PARPBP: variants seen among roughly 807,000 people sequenced by gnomAD.
PARPBP encodes PARP1 binding protein.
PARPBP carries 52 observed loss-of-function variants against 50.0 expected under a neutral mutation model. The observed-to-expected ratio is 1.04, with a 90% CI of 0.83 to 1.31. The LOEUF is 1.31. PARPBP is among the 50% of genes most tolerant of loss of function. The pLI is 0.00. For missense variants in PARPBP, 697 were observed against 672.0 expected, an observed-to-expected ratio of 1.04 and a Z score of -0.41; for synonymous variants, 244 against 232.1, an observed-to-expected ratio of 1.05 and a Z score of -0.47.
chr12:102,148,599 G>C (rs1199961261), intron 3 of PARPBP, 136 bp downstream of exon 3: 1 of 484,732 alleles, frequency 2.1e-6, no homozygotes, highest in East Asian at 3.3e-5. Flanking sequence ...GGAAAATTTA[G>C]CTACCTGAAA....
intron 8 of PARPBP, among the ~76,000 whole-genome samples, chr12:102,181,248 C>T (rs1889800488): frequency 6.6e-6 from 1 of 152,106 alleles, no homozygotes; most frequent in African/African-American, 2.4e-5. Context: ...AGTAGAAGCT[C>T]ATGAAACATT....
At chr12:102,130,150 C>A (rs1281153978) in intron 2 of PARPBP, among the ~76,000 whole-genome samples, 1 of 152,146 alleles carries the variant, frequency 6.6e-6, no homozygotes, top group African/African-American at 2.4e-5. Flanking sequence ...GGAAAGGATT[C>A]CCTATTCAAT....
chr12:102,189,994 G>A (rs1167773749), intron 9 of PARPBP, among the ~76,000 whole-genome samples: 1 of 152,114 alleles, frequency 6.6e-6, no homozygotes, highest in Admixed American at 6.6e-5. Context: ...CTATTGAACA[G>A]AGTAGAGTTT....
At chr12:102,131,566 G>A (rs887138583) in intron 2 of PARPBP, among the ~76,000 whole-genome samples, 3 of 152,138 alleles carry the variant, frequency 2.0e-5, no homozygotes, top group African/African-American at 7.2e-5. Context: ...GCTATTGACA[G>A]AAGCAAAGAT....
At chr12:102,171,855 C>T (rs1354294737) in intron 6 of PARPBP, among the ~76,000 whole-genome samples, 5 of 148,732 alleles carry the variant, frequency 3.4e-5, no homozygotes, top group Admixed American at 6.7e-5. Context: ...GGCAACAGAA[C>T]GAGACTCCGC....
chr12:102,185,808 C>G (rs952854577), intron 9 of PARPBP, among the ~76,000 whole-genome samples: 1 of 152,072 alleles, frequency 6.6e-6, no homozygotes, highest in Non-Finnish European at 1.5e-5. Context: ...CACCCACCAC[C>G]ATGCCCAGCT....
At chr12:102,176,712 CTT>C (rs1439374731) in intron 7 of PARPBP, among the ~76,000 whole-genome samples, 4 of 152,112 alleles carry the variant, frequency 2.6e-5, no homozygotes, top group Non-Finnish European at 4.4e-5. Context: ...TGAAGAAAGA[CTT>C]TTGCTTAATT....
chr12:102,156,414 A>G (rs7959191), intron 4 of PARPBP, among the ~76,000 whole-genome samples: 42,958 of 150,310 alleles, frequency 0.29, 6,570 homozygotes, highest in East Asian at 0.42. Context: ...GGTTGGTCTC[A>G]ATCTCCTGAC....
At chr12:102,193,322 AAAT>A (rs1890978161) in intron 9 of PARPBP, among the ~76,000 whole-genome samples, 1 of 151,946 alleles carries the variant, frequency 6.6e-6, no homozygotes, top group Admixed American at 6.6e-5. Flanking sequence ...TTTCTGTACT[AAAT>A]AATATAATTA....
rs183914800 is a variant in PARPBP, at chr12:102,153,990, G to A, written c.495+14G>A. 659 of 1,390,140 alleles carry A rather than the reference G, an allele frequency of 4.7e-4. 5 individuals carry two copies. In the African/African-American group the frequency reaches 8.6e-3, roughly 18 times the overall value. The allele number at this position is 1,390,140 out of a possible 1,614,324, so 86.1% of individuals were successfully genotyped here. A position where few individuals can be genotyped will look rare whatever the true frequency, so the allele number is the denominator to read the frequency against. On this transcript the variant is annotated intron_variant, in intron 4 of 10. Coordinates refer to ENST00000327680, the MANE Select transcript of PARPBP (RefSeq NM_017915.5). ...GATAATGAAAAGGTACTGATAAACT[G>A]TGAGTAAATTAAAGCAGACTATAAT...
chr12:102,126,371 A>G (rs1394986238), intron 2 of PARPBP, among the ~76,000 whole-genome samples: 1 of 152,152 alleles, frequency 6.6e-6, no homozygotes, highest in Non-Finnish European at 1.5e-5. Flanking sequence ...TTTATAGACT[A>G]TTTAGTCATG....
rs1891380789 is a variant in PARPBP at position 102,197,115 on chromosome 12, T to C, written c.*824T>C. On this transcript the variant is annotated 3_prime_UTR_variant, in exon 11 of 11. Coordinates refer to ENST00000327680, the MANE Select transcript of PARPBP (RefSeq NM_017915.5). ...ATCCTTTTAGTGCAAGATAAGGTTT[T>C]ATAGCCAGATTCAGTGGCAGACCAT... The C allele has an allele frequency of 2.5e-6, 4 of 1,612,372 alleles. No homozygotes were observed. Among genetic ancestry groups the C allele is most frequent in the Non-Finnish European group, 3.4e-6 (4 of 1,178,734 alleles).
chr12:102,158,688 C>T (rs552709410), intron 4 of PARPBP, among the ~76,000 whole-genome samples: 1 of 151,914 alleles, frequency 6.6e-6, no homozygotes, highest in African/African-American at 2.4e-5. Flanking sequence ...GATCTTTTCT[C>T]GGTGGCGCTT....
intron 3 of PARPBP, among the ~76,000 whole-genome samples, chr12:102,153,538 C>T (rs979874712): frequency 6.6e-6 from 1 of 152,170 alleles, no homozygotes; most frequent in African/African-American, 2.4e-5. Context: ...GACAGAGTTT[C>T]GTTGTGTTGC....
At chr12:102,123,761 G>A (rs1184760106) in intron 1 of PARPBP, 125 bp from the exon 2 acceptor site, 6 of 521,764 alleles carry the variant, frequency 1.1e-5, no homozygotes, top group African/African-American at 7.9e-5. Flanking sequence ...AAGCAATCTT[G>A]GTAAATATGA....
intron 6 of PARPBP, among the ~76,000 whole-genome samples, 165 bp downstream of exon 6, chr12:102,166,048 TA>T (rs1281014069): frequency 5.9e-5 from 9 of 152,174 alleles, no homozygotes; most frequent in Non-Finnish European, 1.0e-4. Context: ...CCTTACCTCC[TA>T]AATTTCTGCC....
chr12:102,173,554 A>C, intron 6 of PARPBP, among the ~76,000 whole-genome samples: 1 of 152,204 alleles, frequency 6.6e-6, no homozygotes, highest in Admixed American at 6.5e-5. Context: ...CCAATAAACA[A>C]AATGCAATTG....
At chr12:102,151,496 A>T in intron 3 of PARPBP, 1 of 1,001,018 alleles carries the variant, frequency 1.0e-6, no homozygotes, top group South Asian at 1.4e-5. Flanking sequence ...ATGCATCAAC[A>T]TCAGTGAATG....
chr12:102,165,371 C>T (rs1888036451), intron 5 of PARPBP, among the ~76,000 whole-genome samples: 1 of 152,120 alleles, frequency 6.6e-6, no homozygotes, highest in Non-Finnish European at 1.5e-5. Context: ...TCCCTTGTTC[C>T]ATGTAACAAT....
Sources: allele counts gnomAD v4.1 joint callset (sites outside exome capture counted in the v4.1 genomes callset), GRCh38; gene constraint gnomAD v4.1.1; transcripts MANE v1.5; gene names NCBI Gene and HGNC (gene_info 2026-07-23, HGNC 2026-07-21).